Variants in UGGT2 observed in about 807,000 individuals in gnomAD.
UGGT2 encodes the protein UDP-glucose:glycoprotein glucosyltransferase 2.
A neutral mutation model predicts 192.1 loss-of-function variants in UGGT2; 180 were observed. The observed-to-expected ratio is 0.94, with a 90% confidence interval of 0.83 to 1.06. The LOEUF is 1.06. UGGT2 is among the 50% of genes least tolerant of loss of function. The pLI is 0.00. For missense variants in UGGT2, 1,849 were observed against 1,795.7 expected (o/e 1.03, Z -0.54); for synonymous variants, 580 against 591.0 (o/e 0.98, Z 0.27).
At chr13:95,871,799 C>T (rs1202529043) in intron 29 of UGGT2, among the ~76,000 whole-genome samples, 3 of 152,164 alleles carry the variant, frequency 2.0e-5, no homozygotes, top group Non-Finnish European at 4.4e-5. Flanking sequence ...GAGGAGACCA[C>T]ACCAACATAA....
At chr13:96,003,020 C>T (rs570288804) in intron 5 of UGGT2, among the ~76,000 whole-genome samples, 117 of 152,234 alleles carry the variant, frequency 7.7e-4, no homozygotes, top group Admixed American at 1.4e-3. Context: ...TCCTTAGCTG[C>T]GGTGCAACAT....
At chr13:95,817,449 T>C (rs1885017277) in intron 38 of UGGT2, among the ~76,000 whole-genome samples, 1 of 152,068 alleles carries the variant, frequency 6.6e-6, no homozygotes, top group African/African-American at 2.4e-5. Context: ...CTGGGCATGG[T>C]GGCACATGCC....
chr13:95,898,394 C>T (rs2048008031), intron 22 of UGGT2, among the ~76,000 whole-genome samples: 1 of 152,026 alleles, frequency 6.6e-6, no homozygotes, highest in African/African-American at 2.4e-5. Context: ...ACCTGCTATT[C>T]TTAGAATAGC....
chr13:95,904,740 A>C (rs1057457319), intron 20 of UGGT2, among the ~76,000 whole-genome samples: 15 of 152,056 alleles, frequency 9.9e-5, no homozygotes, highest in Non-Finnish European at 2.1e-4. Flanking sequence ...ACTGTGAACA[A>C]TGCCGCAATA....
chr13:96,034,580 T>C (rs754227592), intron 1 of UGGT2, among the ~76,000 whole-genome samples: 4 of 152,218 alleles, frequency 2.6e-5, no homozygotes, highest in Non-Finnish European at 5.9e-5. Context: ...CTGCAGCCCT[T>C]TGGGGAGCCC....
intron 17 of UGGT2, among the ~76,000 whole-genome samples, chr13:95,933,501 G>C (rs1005329564): frequency 2.0e-5 from 3 of 152,072 alleles, no homozygotes; most frequent in Non-Finnish European, 4.4e-5. Context: ...CTTTCCAAGA[G>C]CTAACTTTTG....
At chr13:95,891,675 C>T (rs1386684947) in intron 24 of UGGT2, among the ~76,000 whole-genome samples, 1 of 152,170 alleles carries the variant, frequency 6.6e-6, no homozygotes, top group East Asian at 1.9e-4. Flanking sequence ...ACTGTTTTAA[C>T]ACTATAATCA....
chr13:96,036,101 C>T (rs1232121733), intron 1 of UGGT2, among the ~76,000 whole-genome samples: 3 of 152,172 alleles, frequency 2.0e-5, no homozygotes, highest in African/African-American at 7.2e-5. Flanking sequence ...TATACATGCA[C>T]ACATATGTCC....
intron 10 of UGGT2, among the ~76,000 whole-genome samples, chr13:95,979,571 T>TG (rs1232991947): frequency 1.9e-5 from 1 of 51,614 alleles, no homozygotes; most frequent in Non-Finnish European, 4.6e-5. Flanking sequence ...AATACAGACT[T>TG]GCTTACAGAA....
At chr13:95,958,107 T>C (rs980717075) in intron 12 of UGGT2, among the ~76,000 whole-genome samples, 9 of 152,206 alleles carry the variant, frequency 5.9e-5, no homozygotes, top group Non-Finnish European at 1.2e-4. Context: ...TCAGGGAATA[T>C]GGCGTTTCTT....
intron 38 of UGGT2, among the ~76,000 whole-genome samples, chr13:95,807,810 T>C (rs538370315): frequency 6.6e-6 from 1 of 150,386 alleles, no homozygotes; most frequent in Non-Finnish European, 1.5e-5. Flanking sequence ...GCACAACATC[T>C]GGGCAGTTTT....
intron 4 of UGGT2, among the ~76,000 whole-genome samples, chr13:96,018,879 T>C (rs1181768265): frequency 4.0e-5 from 6 of 150,726 alleles, no homozygotes; most frequent in Non-Finnish European, 8.9e-5. Context: ...GATAAAAACC[T>C]AATCTGGAAA....
intron 27 of UGGT2, among the ~76,000 whole-genome samples, chr13:95,882,480 T>C (rs2047522750): frequency 6.6e-6 from 1 of 152,226 alleles, no homozygotes; most frequent in Admixed American, 6.5e-5. Context: ...CTTTCTACTA[T>C]ACCAAATGCC....
intron 38 of UGGT2, among the ~76,000 whole-genome samples, chr13:95,820,165 TA>T (rs1183790237): frequency 1.4e-5 from 2 of 147,728 alleles, no homozygotes; most frequent in African/African-American, 2.5e-5. Context: ...AATAAATAAA[TA>T]AAATAAACAA....
At chr13:95,893,273 T>C (rs2047853036) in intron 24 of UGGT2, among the ~76,000 whole-genome samples, 1 of 152,170 alleles carries the variant, frequency 6.6e-6, no homozygotes, top group South Asian at 2.1e-4. Context: ...TTTTAACATA[T>C]TTAATTATAA....
intron 29 of UGGT2, among the ~76,000 whole-genome samples, chr13:95,873,773 G>A (rs1052958330): frequency 1.3e-5 from 2 of 152,124 alleles, no homozygotes; most frequent in Non-Finnish European, 2.9e-5. Flanking sequence ...AGGTTTTCTC[G>A]AGGATGCTGG....
At chr13:95,820,867 T>A (rs73556746) in intron 38 of UGGT2, among the ~76,000 whole-genome samples, 2,458 of 152,232 alleles carry the variant, frequency 0.016, 69 homozygotes, top group African/African-American at 0.056. Context: ...TGACTTTCCA[T>A]TCCGGAATTA....
At position 95,904,867 on chromosome 13, in the gene UGGT2, C is replaced by T. The variant is rs548216381; in HGVS notation, c.2296-1807G>A. On this transcript the variant is annotated intron_variant, in intron 20 of 38. Transcript: ENST00000376747. ...CTAGTTCTAGATCCCTGAGGAATCG[C>T]CACACTGACTTCCACAATGGTTGAA... Among the ~76,000 whole-genome samples, 30 of 151,518 alleles carry T rather than the reference C, an allele frequency of 2.0e-4. 1 individual carries two copies. The highest frequency in any genetic ancestry group is 6.3e-4 in the South Asian group (3 of 4,772).
intron 13 of UGGT2, among the ~76,000 whole-genome samples, chr13:95,948,868 G>A (rs191550926): frequency 1.5e-4 from 23 of 152,308 alleles, no homozygotes; most frequent in East Asian, 3.9e-4. Flanking sequence ...CCCATGTGCC[G>A]TAGGAGGGAC....
Sources: gnomAD v4.1 joint callset for allele counts (sites outside exome capture counted in the v4.1 genomes callset) on GRCh38, gnomAD v4.1.1 for gene constraint, MANE v1.5 for transcripts, NCBI Gene and HGNC (gene_info 2026-07-23, HGNC 2026-07-21) for gene names.